The following PLPP1 variants were observed in gnomAD, a reference collection of about 807,000 sequenced individuals.
The protein encoded by PLPP1 is phospholipid phosphatase 1, also known as lipid phosphate phosphohydrolase 1a.
PLPP1 carries 24 observed loss-of-function variants against 31.2 expected under a neutral mutation model. The ratio of observed to expected loss-of-function variants is 0.77; its 90% confidence interval spans 0.56 to 1.08. The LOEUF (loss-of-function observed/expected upper bound fraction) is 1.08, where lower values mean the gene tolerates loss of function less well. Among genes scored for constraint, PLPP1 ranks in the 50% least tolerant of loss-of-function variants. PLPP1 has a pLI of 0.00. For missense variants in PLPP1, 319 were observed against 342.7 expected, an observed-to-expected ratio of 0.93 and a Z score of 0.55; for synonymous variants, 146 against 126.3, an observed-to-expected ratio of 1.16 and a Z score of -1.05.
At chr5:55,500,678 A>T (rs1404595271) in intron 1 of PLPP1, among the ~76,000 whole-genome samples, 1 of 152,056 alleles carries the variant, frequency 6.6e-6, no homozygotes, top group Non-Finnish European at 1.5e-5. Context: ...ACTCTAACTG[A>T]GGGGGCTGTG....
intron 1 of PLPP1, among the ~76,000 whole-genome samples, chr5:55,499,452 A>C (rs1269812585): frequency 6.6e-6 from 1 of 152,252 alleles, no homozygotes; most frequent in African/African-American, 2.4e-5. Flanking sequence ...CCAGTAAAAA[A>C]ATATCTGCTC....
chr5:55,432,651 A>G (rs1161618362), intron 4 of PLPP1, among the ~76,000 whole-genome samples: 2 of 74,742 alleles, frequency 2.7e-5, no homozygotes, highest in Non-Finnish European at 5.8e-5. Context: ...AGCCTAATTC[A>G]ACAACACATC....
At chr5:55,521,217 G>A (rs1192451105) in intron 1 of PLPP1, among the ~76,000 whole-genome samples, 4 of 152,098 alleles carry the variant, frequency 2.6e-5, no homozygotes, top group Non-Finnish European at 4.4e-5. Flanking sequence ...GCCAGGCGTG[G>A]TGGCACATAC....
intron 3 of PLPP1, among the ~76,000 whole-genome samples, chr5:55,444,937 A>G (rs1751723167): frequency 6.6e-6 from 1 of 151,990 alleles, no homozygotes; most frequent in Non-Finnish European, 1.5e-5. Flanking sequence ...TTTAGTAGAG[A>G]TGGGGTTTCG....
At chr5:55,528,313 G>A (rs1408563488) in intron 1 of PLPP1, among the ~76,000 whole-genome samples, 1 of 152,148 alleles carries the variant, frequency 6.6e-6, no homozygotes, top group Non-Finnish European at 1.5e-5. Flanking sequence ...ATCTACAATG[G>A]AGCAGATCTA....
chr5:55,458,911 A>AAAAC (rs1561231053), intron 3 of PLPP1, among the ~76,000 whole-genome samples: 13 of 147,034 alleles, frequency 8.8e-5, no homozygotes, highest in African/African-American at 2.8e-4. Context: ...AAAAAAAAAA[A>AAAAC]AAAAACACAT....
chr5:55,482,266 TC>T (rs760084806), intron 1 of PLPP1, among the ~76,000 whole-genome samples: 1 of 149,746 alleles, frequency 6.7e-6, no homozygotes, highest in Non-Finnish European at 1.5e-5. Flanking sequence ...GTCTCCTTTG[TC>T]CCCCCTCACC....
intron 1 of PLPP1, among the ~76,000 whole-genome samples, chr5:55,502,255 G>A (rs1481332538): frequency 2.0e-5 from 3 of 152,180 alleles, no homozygotes; most frequent in South Asian, 2.1e-4. Context: ...TAGGGAGGCC[G>A]AAGCAGGCAG....
intron 1 of PLPP1, chr5:55,530,414 G>C: frequency 1.6e-6 from 2 of 1,262,986 alleles, no homozygotes; most frequent in Non-Finnish European, 2.3e-6. Context: ...CTTGACACAG[G>C]GGACACTTAT....
intron 3 of PLPP1, among the ~76,000 whole-genome samples, chr5:55,457,965 T>C (rs1010418340): frequency 7.9e-5 from 12 of 152,110 alleles, no homozygotes; most frequent in South Asian, 2.1e-4. Flanking sequence ...CTTTCTTAAA[T>C]TTGCTGGCTG....
chr5:55,431,591 AGGACATACCGAAAC>A (rs1751349668), intron 4 of PLPP1, among the ~76,000 whole-genome samples: 1 of 152,200 alleles, frequency 6.6e-6, no homozygotes, highest in African/African-American at 2.4e-5. Flanking sequence ...AAATAGAGGC[AGGACATACCGAAAC>A]CCAACAACAA....
intron 3 of PLPP1, among the ~76,000 whole-genome samples, chr5:55,443,177 TAAAAAA>T (rs1178247543): frequency 2.0e-5 from 1 of 51,036 alleles, no homozygotes; most frequent in African/African-American, 7.8e-5. Flanking sequence ...AAGGATTACT[TAAAAAA>T]AAAAAAAAAA....
At chr5:55,508,953 A>C (rs1251942827) in intron 1 of PLPP1, 1 of 154,152 alleles carries the variant, frequency 6.5e-6, no homozygotes. Flanking sequence ...AGAGCTTTTA[A>C]TAGAGTAGAA....
chr5:55,469,688 T>C (rs1752379670), intron 2 of PLPP1, among the ~76,000 whole-genome samples: 1 of 152,188 alleles, frequency 6.6e-6, no homozygotes, highest in Non-Finnish European at 1.5e-5. Flanking sequence ...TTAATGAGGA[T>C]CAACTGTCTT....
intron 1 of PLPP1, among the ~76,000 whole-genome samples, chr5:55,476,909 T>C (rs543499640): frequency 6.6e-6 from 1 of 152,312 alleles, no homozygotes; most frequent in African/African-American, 2.4e-5. Context: ...CATTTAGACA[T>C]TGAATACATG....
At chr5:55,519,686 G>T (rs1490902736) in intron 1 of PLPP1, among the ~76,000 whole-genome samples, 1 of 151,318 alleles carries the variant, frequency 6.6e-6, no homozygotes, top group African/African-American at 2.4e-5. Context: ...GGAGCTGGCG[G>T]TTGCAGTGAG....
chr5:55,483,502 T>C (rs1752712831), intron 1 of PLPP1, among the ~76,000 whole-genome samples: 1 of 151,836 alleles, frequency 6.6e-6, no homozygotes, highest in Admixed American at 6.6e-5. Flanking sequence ...TGAAACTCCG[T>C]CTCTATTAAA....
intron 4 of PLPP1, 130 bp downstream of exon 4, chr5:55,441,719 TAC>T: frequency 1.0e-6 from 1 of 986,584 alleles, no homozygotes; most frequent in South Asian, 1.5e-5. Flanking sequence ...GTATGAAACT[TAC>T]AGATTTGCAG....
chr5:55,504,474 G>A (rs1341643046), intron 1 of PLPP1, among the ~76,000 whole-genome samples: 1 of 143,142 alleles, frequency 7.0e-6, no homozygotes, highest in Non-Finnish European at 1.5e-5. Context: ...GCAGTGAGCC[G>A]AGATTGTGCC....
Sources: allele counts gnomAD v4.1 joint callset (sites outside exome capture counted in the v4.1 genomes callset), GRCh38; gene constraint gnomAD v4.1.1; transcripts MANE v1.5; gene names NCBI Gene and HGNC (gene_info 2026-07-23, HGNC 2026-07-21).